The following PTPRS variants were observed in gnomAD, a reference collection of about 807,000 sequenced individuals.
PTPRS encodes the protein protein tyrosine phosphatase receptor type S.
In PTPRS, 63 loss-of-function variants were observed where a neutral mutation model predicts 215.3. The ratio of observed to expected loss-of-function variants is 0.29; its 90% confidence interval spans 0.24 to 0.36. The LOEUF (loss-of-function observed/expected upper bound fraction) is 0.36. Among genes scored for constraint, PTPRS ranks in the 10% least tolerant of loss-of-function variants. PTPRS has a pLI of 1.00. For missense variants in PTPRS, 2,258 were observed against 2,825.8 expected (o/e 0.80, Z 4.56); for synonymous variants, 1,404 against 1,191.4 (o/e 1.18, Z -3.68).
intron 8 of PTPRS, among the ~76,000 whole-genome samples, chr19:5,256,478 C>G (rs759482302): frequency 2.6e-5 from 4 of 152,058 alleles, no homozygotes; most frequent in Non-Finnish European, 4.4e-5. Flanking sequence ...GGGGACCCCA[C>G]CTCTGGGGGA....
chr19:5,281,343 C>T (rs1446979827), intron 2 of PTPRS, among the ~76,000 whole-genome samples: 1 of 152,072 alleles, frequency 6.6e-6, no homozygotes, highest in Non-Finnish European at 1.5e-5. Flanking sequence ...TGCCTGTAAT[C>T]CCAGCTACTC....
intron 13 of PTPRS, among the ~76,000 whole-genome samples, chr19:5,233,818 A>C (rs1254989428): frequency 1.3e-5 from 2 of 151,026 alleles, no homozygotes; most frequent in Non-Finnish European, 3.0e-5. Flanking sequence ...TGGTGGCGGG[A>C]GCCTGTAATC....
rs1264286009 is a variant in PTPRS, at chr19:5,293,794, G to A, written c.-94-7560C>T. Among the ~76,000 whole-genome samples the A allele has an allele frequency of 6.6e-6, 1 of 152,166 alleles. No individual in the cohort carries two copies. Among genetic ancestry groups the A allele is most frequent in the Non-Finnish European group, 1.5e-5 (1 of 68,024 alleles). ...GGCTTCCCTCCCGCTGGGGGTCCAG[G>A]GGAATGAATGGGGGGACACCGTGGC... On this transcript the variant is annotated intron_variant, in intron 1 of 37. Transcript: ENST00000262963. This position sits in a 1 kb window ranked among gnomAD's most constrained non-coding sequence, Gnocchi z 8.4.
chr19:5,212,143 G>C lies in PTPRS; in HGVS notation c.4877C>G (p.Ser1626Cys). The C allele has an allele frequency of 6.2e-7, 1 of 1,614,084 alleles. No individual in the cohort carries two copies. Among genetic ancestry groups the C allele is most frequent in the Non-Finnish European group, 8.5e-7 (1 of 1,180,046 alleles). Reference protein sequence around the residue: ...DVYGHVTLMRSQRNYMVQTED... With the variant: ...DVYGHVTLMRCQRNYMVQTED... ...CGTCTGCACCATGTAGTTGCGCTGGGACCTCATGAGCGTCACGTGGCCATA... is the reference window on the plus strand; with the variant it reads ...CGTCTGCACCATGTAGTTGCGCTGGCACCTCATGAGCGTCACGTGGCCATA... Residue 1626 changes from serine (S) to cysteine (C), a missense_variant, in exon 32 of 38, where the codon TCC (serine) becomes TGC (cysteine). Ser to Cys is a moderately radical substitution (Grantham distance 112). Transcript: ENST00000262963.
In PTPRS at chr19:5,207,940, C is replaced by T. The variant is rs766060117; in HGVS notation, c.5760G>A (p.Pro1920=). Residue 1920 remains proline (P), a synonymous_variant, in exon 37 of 38, where the codon CCG becomes CCA. Coordinates refer to ENST00000262963, the MANE Select transcript of PTPRS (RefSeq NM_002850.4). Reference sequence around the variant, plus strand: ...TCTTTACCTCTGTCTGCACCATGGCCGGCCGCTGGGTTCGTAGCATCTTCA... The same window carrying T: ...TCTTTACCTCTGTCTGCACCATGGCTGGCCGCTGGGTTCGTAGCATCTTCA... ...QTVKMLRTQR[P]AMVQTEDEYQ... 8.7e-6 allele frequency: 14 copies of T among 1,613,930 alleles called. No individual in the cohort carries two copies. The highest frequency in any genetic ancestry group is 6.7e-5 in the East Asian group (3 of 44,886).
chr19:5,329,197 T>C (rs1486743683), intron 1 of PTPRS, among the ~76,000 whole-genome samples: 2 of 151,630 alleles, frequency 1.3e-5, no homozygotes, highest in Admixed American at 6.6e-5. Flanking sequence ...AGGAGAAGGA[T>C]AGGTCTACAT....
chr19:5,263,815 C>T lies in PTPRS; in HGVS notation c.569-843G>A, dbSNP rs147324183. Among the ~76,000 whole-genome samples the T allele has an allele frequency of 2.4e-3, 366 of 152,300 alleles. 2 individuals carry two copies. Among genetic ancestry groups the T allele is most frequent in the African/African-American group, 7.6e-3 (314 of 41,574 alleles). The stretch of plus-strand genomic sequence containing the variant: ...ACTGCAATGTGGGTGCACGTGTGGC[C>T]GAGATGCAGGCGGACACTTTGCTCC... On this transcript the variant is annotated intron_variant, in intron 5 of 37. Transcript: ENST00000262963.
intron 1 of PTPRS, among the ~76,000 whole-genome samples, chr19:5,298,846 C>T (rs1297106644): frequency 2.0e-5 from 3 of 152,234 alleles, no homozygotes; most frequent in African/African-American, 7.2e-5. Flanking sequence ...TCTTCCCCAA[C>T]TCTGCTGATA....
At chr19:5,214,229 A>T in intron 30 of PTPRS, 132 bp downstream of exon 30, 1 of 1,285,946 alleles carries the variant, frequency 7.8e-7, no homozygotes, top group Non-Finnish European at 1.1e-6. Flanking sequence ...ATGAGAATGT[A>T]GTCAGCCTGG....
chr19:5,291,683 C>G (rs557189667), intron 1 of PTPRS, among the ~76,000 whole-genome samples: 24 of 152,086 alleles, frequency 1.6e-4, no homozygotes, highest in African/African-American at 5.3e-4. Context: ...ACCTGGCACA[C>G]CCTTCCCCAG....
chr19:5,294,021 G>A lies in PTPRS; in HGVS notation c.-94-7787C>T, dbSNP rs1457205525. ...GCGGGTTTGAAAACTCCACCGGAGG[G>A]GCCCGGAATGTAGAAGCCCAGCGGG... is the stretch of plus-strand genomic sequence containing the variant. On this transcript the variant is annotated intron_variant, in intron 1 of 37. Transcript: ENST00000262963. The surrounding 1 kb of genome is among the most constrained non-coding windows in gnomAD (Gnocchi z 5.1). 6.6e-6 allele frequency among the ~76,000 whole-genome samples: 1 copy of A among 152,192 alleles called. No individual in the cohort carries two copies. Among genetic ancestry groups the A allele is most frequent in the Non-Finnish European group, 1.5e-5 (1 of 68,030 alleles).
chr19:5,303,665 G>A (rs1325366227), intron 1 of PTPRS, among the ~76,000 whole-genome samples: 2 of 151,952 alleles, frequency 1.3e-5, no homozygotes, highest in Non-Finnish European at 2.9e-5. Context: ...GGGGTAATAG[G>A]AGTGAGGACC....
In PTPRS at chr19:5,220,899, A is replaced by C. The variant is rs1225036444; in HGVS notation, c.3455+101T>G. On this transcript the variant is annotated intron_variant, in intron 20 of 37. Coordinates refer to ENST00000262963, the MANE Select transcript of PTPRS (RefSeq NM_002850.4). ...AGGGCTGATAGGGTCTGTGTTTCAT[A>C]GGCAAGGAAATTGAGGCACAGAGAG... 31 of 1,383,530 alleles carry C rather than the reference A, an allele frequency of 2.2e-5. No homozygotes were observed. In the East Asian group the frequency reaches 6.9e-4, roughly 31 times the overall value. 85.7% of individuals were successfully genotyped at this position (1,383,530 alleles called of 1,614,324 possible).
intron 2 of PTPRS, among the ~76,000 whole-genome samples, chr19:5,284,404 T>G (rs1390272997): frequency 7.3e-6 from 1 of 136,986 alleles, no homozygotes; most frequent in Non-Finnish European, 1.6e-5. Flanking sequence ...AATAAATAAA[T>G]AAATAAATAA....
intron 1 of PTPRS, among the ~76,000 whole-genome samples, chr19:5,304,212 T>C (rs2049402177): frequency 6.6e-6 from 1 of 151,720 alleles, no homozygotes; most frequent in South Asian, 2.1e-4. Context: ...ACACTTGTAA[T>C]CCTAACACAT....
intron 2 of PTPRS, among the ~76,000 whole-genome samples, chr19:5,281,236 G>A (rs1568557956): frequency 6.6e-6 from 1 of 151,966 alleles, no homozygotes; most frequent in Non-Finnish European, 1.5e-5. Flanking sequence ...CAAAGCGGGA[G>A]GATCAACTGA....
chr19:5,242,332 A>C (rs1314286009), intron 11 of PTPRS, among the ~76,000 whole-genome samples: 1 of 152,182 alleles, frequency 6.6e-6, no homozygotes, highest in Non-Finnish European at 1.5e-5. Context: ...GGGCTTGTCA[A>C]ATCAGATTTT....
intron 9 of PTPRS, among the ~76,000 whole-genome samples, chr19:5,252,741 G>A (rs950194118): frequency 6.6e-6 from 1 of 150,792 alleles, no homozygotes; most frequent in African/African-American, 2.4e-5. Context: ...AGGCGTGGTG[G>A]AGGGCAACTG....
At chr19:5,334,637 T>A (rs1600151530) in intron 1 of PTPRS, among the ~76,000 whole-genome samples, 2 of 152,262 alleles carry the variant, frequency 1.3e-5, no homozygotes, top group Admixed American at 6.5e-5. Flanking sequence ...GCGGGGGGTG[T>A]CTCTGTAGCG....
Sources: allele counts gnomAD v4.1 joint callset (sites outside exome capture counted in the v4.1 genomes callset), GRCh38; gene constraint gnomAD v4.1.1; non-coding constraint Gnocchi (gnomAD v3.1); transcripts MANE v1.5; gene names NCBI Gene and HGNC (gene_info 2026-07-23, HGNC 2026-07-21).